Variants in NKAIN3 observed in about 807,000 individuals in gnomAD.
NKAIN3 encodes the protein sodium/potassium transporting ATPase interacting 3.
Under a neutral mutation model 30.2 loss-of-function variants are expected in NKAIN3, and 25 were observed. The observed-to-expected ratio is 0.83, with a 90% CI of 0.60 to 1.16. The LOEUF (loss-of-function observed/expected upper bound fraction) is 1.16. Ranked by LOEUF, NKAIN3 falls within the 50% of genes most tolerant of loss-of-function variation. The probability of loss-of-function intolerance (pLI) is 0.00; values close to 1 mark genes in which losing one functional copy is unlikely to be tolerated. For synonymous variants in NKAIN3, 91 were observed against 89.6 expected (o/e 1.02, Z -0.09); for missense variants, 225 against 254.1 (o/e 0.89, Z 0.78).
intron 1 of NKAIN3, among the ~76,000 whole-genome samples, chr8:62,578,942 T>C (rs1461444235): frequency 6.6e-6 from 1 of 151,650 alleles, no homozygotes; most frequent in African/African-American, 2.4e-5. Flanking sequence ...AATGCAAAAA[T>C]AGAGGTAGAT....
chr8:62,912,099 A>T (rs1821939561), intron 4 of NKAIN3, among the ~76,000 whole-genome samples: 1 of 152,188 alleles, frequency 6.6e-6, no homozygotes, highest in African/African-American at 2.4e-5. Flanking sequence ...CTAGGCTACA[A>T]ACCTCTATAG....
rs149624185 is a variant in NKAIN3, at chr8:62,395,149, C to T, written c.54+146022C>T. On this transcript the variant is annotated intron_variant, in intron 1 of 6. Transcript: ENST00000623646. ...CCTCACTTCCCAGACGGGGCGGCGA[C>T]GGGACAGAGGCGGTCCTCACTTTCC... Among the ~76,000 whole-genome samples, 351 of 151,640 alleles carry T rather than the reference C, an allele frequency of 2.3e-3. 6 individuals carry two copies. In the East Asian group the frequency reaches 0.028, roughly 12 times the overall value.
intron 3 of NKAIN3, among the ~76,000 whole-genome samples, chr8:62,689,669 C>T (rs1261411738): frequency 6.6e-6 from 1 of 152,074 alleles, no homozygotes; most frequent in African/African-American, 2.4e-5. Context: ...GTTAGAAGAA[C>T]GCATTTTAAA....
chr8:62,373,241 A>C (rs1816963663), intron 1 of NKAIN3, among the ~76,000 whole-genome samples: 1 of 152,200 alleles, frequency 6.6e-6, no homozygotes, highest in Non-Finnish European at 1.5e-5. Flanking sequence ...CACATTTCTT[A>C]CAATAAAAAA....
chr8:62,646,058 C>T (rs1057442788), intron 3 of NKAIN3, among the ~76,000 whole-genome samples: 10 of 149,056 alleles, frequency 6.7e-5, no homozygotes, highest in Non-Finnish European at 1.3e-4. Context: ...TATTATATTG[C>T]AATGGCTATT....
chr8:62,518,263 G>C (rs1808054300), intron 1 of NKAIN3, among the ~76,000 whole-genome samples: 1 of 152,140 alleles, frequency 6.6e-6, no homozygotes, highest in Non-Finnish European at 1.5e-5. Context: ...GGGAGGCTGA[G>C]GCACGAGAAT....
chr8:62,413,547 T>G (rs1041347755), intron 1 of NKAIN3, among the ~76,000 whole-genome samples: 1 of 152,198 alleles, frequency 6.6e-6, no homozygotes, highest in South Asian at 2.1e-4. Context: ...ATTTACAACT[T>G]TGGTTTCCCA....
intron 1 of NKAIN3, chr8:62,383,363 C>A (rs1358017748): frequency 5.7e-6 from 2 of 349,498 alleles, no homozygotes; most frequent in Admixed American, 6.7e-5. Flanking sequence ...TGGTCACCAA[C>A]CCAATTGTAT....
intron 6 of NKAIN3, among the ~76,000 whole-genome samples, chr8:62,959,435 T>G (rs756986858): frequency 9.4e-4 from 102 of 108,972 alleles, no homozygotes; most frequent in Non-Finnish European, 1.5e-3. Context: ...CAAATCAGGG[T>G]GTGTGTGTGT....
chr8:62,938,711 C>T (rs1822860629), intron 5 of NKAIN3, among the ~76,000 whole-genome samples: 1 of 152,194 alleles, frequency 6.6e-6, no homozygotes, highest in Admixed American at 6.5e-5. Flanking sequence ...GAGAGCACCA[C>T]ATCAAGGCAG....
At chr8:62,938,674 G>A (rs73264612) in intron 5 of NKAIN3, among the ~76,000 whole-genome samples, 2,775 of 152,210 alleles carry the variant, frequency 0.018, 88 homozygotes, top group African/African-American at 0.063. Flanking sequence ...CAGGCTCTTA[G>A]GAAGCCCCAC....
chr8:62,669,817 G>A (rs1410990508), intron 3 of NKAIN3, among the ~76,000 whole-genome samples: 3 of 152,162 alleles, frequency 2.0e-5, no homozygotes, highest in Non-Finnish European at 4.4e-5. Flanking sequence ...TTTACAAACA[G>A]CTGCATGACA....
intron 3 of NKAIN3, among the ~76,000 whole-genome samples, chr8:62,641,697 G>A (rs1352832917): frequency 6.6e-6 from 1 of 152,152 alleles, no homozygotes; most frequent in Non-Finnish European, 1.5e-5. Flanking sequence ...GCAAGATTAG[G>A]AAGGGGTTAG....
At chr8:62,455,678 A>G (rs1239240861) in intron 1 of NKAIN3, among the ~76,000 whole-genome samples, 1 of 152,270 alleles carries the variant, frequency 6.6e-6, no homozygotes, top group Non-Finnish European at 1.5e-5. Context: ...CAATGAACGT[A>G]GTTTCAATCT....
At chr8:62,704,586 G>A (rs1444973497) in intron 3 of NKAIN3, among the ~76,000 whole-genome samples, 1 of 152,142 alleles carries the variant, frequency 6.6e-6, no homozygotes, top group Non-Finnish European at 1.5e-5. Flanking sequence ...TACGTGCTGT[G>A]AGTCTTATTG....
intron 3 of NKAIN3, among the ~76,000 whole-genome samples, chr8:62,627,089 C>A (rs1204087068): frequency 2.0e-5 from 3 of 152,238 alleles, no homozygotes; most frequent in African/African-American, 4.8e-5. Flanking sequence ...CGCCTCGGGG[C>A]AACTGGGAGA....
chr8:62,441,963 T>A (rs1012236798), intron 1 of NKAIN3, among the ~76,000 whole-genome samples: 4 of 152,052 alleles, frequency 2.6e-5, no homozygotes, highest in Admixed American at 2.0e-4. Flanking sequence ...CCCCCTTTTT[T>A]TGCATTTGGG....
Position 62,401,013 on chromosome 8 carries a change from T to TTCTCTCTCTCTCTCTCTCTCTCTC in NKAIN3, c.54+151892_54+151893insTCTCTCTCTCTCTCTCTCTCTCTC, listed in dbSNP as rs71559370. 5.3e-3 allele frequency among the ~76,000 whole-genome samples: 763 copies of TTCTCTCTCTCTCTCTCTCTCTCTC among 143,718 alleles called. 15 individuals carry two copies. The highest frequency in any genetic ancestry group is 0.017 in the African/African-American group (666 of 39,774). 94.3% of individuals were successfully genotyped at this position (143,718 alleles called of 152,430 possible). On this transcript the variant is annotated intron_variant, in intron 1 of 6. Transcript: ENST00000623646. ...ATTCTTTTGATTAAACTTTCTACCT[T>TTCTCTCTCTCTCTCTCTCTCTCTC]TCTCTCACTCTCTCTCTCTCTCTCT...
chr8:62,518,166 C>G (rs1444464515), intron 1 of NKAIN3, among the ~76,000 whole-genome samples: 1 of 152,068 alleles, frequency 6.6e-6, no homozygotes, highest in Admixed American at 6.6e-5. Context: ...TTTGAACCAG[C>G]CTGGCCAACA....
Sources: allele counts gnomAD v4.1 joint callset (sites outside exome capture counted in the v4.1 genomes callset), GRCh38; gene constraint gnomAD v4.1.1; transcripts MANE v1.5; gene names NCBI Gene and HGNC (gene_info 2026-07-23, HGNC 2026-07-21).